Variants in NGF observed in about 807,000 individuals in gnomAD.
NGF encodes the protein nerve growth factor, also known as beta-nerve growth factor.
NGF carries 4 observed loss-of-function variants against 12.8 expected under a neutral mutation model. The observed-to-expected ratio is 0.31, with a 90% CI of 0.15 to 0.72. The LOEUF is 0.72. Ranked by LOEUF, NGF falls within the 30% of genes least tolerant of loss-of-function variation. NGF has a pLI of 0.69. For synonymous variants in NGF, 140 were observed against 130.0 expected (o/e 1.08, Z -0.52); for missense variants, 283 against 330.8 (o/e 0.86, Z 1.12).
At chr1:115,333,012 T>A (rs773461449) in intron 1 of NGF, among the ~76,000 whole-genome samples, 1 of 152,168 alleles carries the variant, frequency 6.6e-6, no homozygotes, top group African/African-American at 2.4e-5. Flanking sequence ...AAGTGAGACA[T>A]GCAAGTCACT....
chr1:115,327,523 A>G (rs1230099912), intron 1 of NGF, among the ~76,000 whole-genome samples: 1 of 152,150 alleles, frequency 6.6e-6, no homozygotes, highest in Non-Finnish European at 1.5e-5. Context: ...CTGTGAAAAC[A>G]CAAACACAAC....
intron 2 of NGF, among the ~76,000 whole-genome samples, chr1:115,288,772 T>G (rs1224064260): frequency 6.6e-6 from 1 of 152,162 alleles, no homozygotes; most frequent in Non-Finnish European, 1.5e-5. Context: ...ATGTAGTAGG[T>G]ACTCAAAAAA....
intron 2 of NGF, among the ~76,000 whole-genome samples, chr1:115,291,180 T>C (rs966266930): frequency 6.6e-6 from 1 of 152,210 alleles, no homozygotes; most frequent in African/African-American, 2.4e-5. Flanking sequence ...TAAAGTTTTT[T>C]TAAAAAAATA....
intron 1 of NGF, among the ~76,000 whole-genome samples, chr1:115,327,827 G>A (rs996053911): frequency 3.9e-5 from 6 of 152,174 alleles, no homozygotes; most frequent in Non-Finnish European, 7.3e-5. Context: ...TGGGAGGTGG[G>A]GGCAGGGCAT....
chr1:115,320,049 G>T (rs75573260), intron 1 of NGF, among the ~76,000 whole-genome samples: 6,188 of 152,224 alleles, frequency 0.041, 397 homozygotes, highest in African/African-American at 0.14. Flanking sequence ...GAAATAAACA[G>T]CCCCAAGGTC....
At chr1:115,298,194 G>C (rs939880081) in intron 1 of NGF, among the ~76,000 whole-genome samples, 15 of 152,126 alleles carry the variant, frequency 9.9e-5, no homozygotes, top group Admixed American at 1.3e-4. Flanking sequence ...GAAGGTTTTT[G>C]TTTGTTTTAC....
intron 1 of NGF, among the ~76,000 whole-genome samples, chr1:115,326,388 G>T (rs1357713287): frequency 6.6e-6 from 1 of 152,122 alleles, no homozygotes; most frequent in Non-Finnish European, 1.5e-5. Context: ...ACAACCAAAC[G>T]ATTGAGCAAA....
chr1:115,334,432 A>AT, intron 1 of NGF, among the ~76,000 whole-genome samples: 1 of 152,008 alleles, frequency 6.6e-6, no homozygotes, highest in East Asian at 1.9e-4. Context: ...CCTTCACCTT[A>AT]CTCTTTCTGA....
chr1:115,294,661 C>T (rs11466091), intron 1 of NGF, among the ~76,000 whole-genome samples: 2,045 of 152,302 alleles, frequency 0.013, 53 homozygotes, highest in African/African-American at 0.046. Flanking sequence ...GTAGACAGGA[C>T]GCTCAGCGAG....
At chr1:115,291,697 C>A (rs1453732845) in intron 2 of NGF, among the ~76,000 whole-genome samples, 1 of 152,176 alleles carries the variant, frequency 6.6e-6, no homozygotes, top group South Asian at 2.1e-4. Context: ...TCACACACTC[C>A]AATAATAGGA....
At chr1:115,326,134 C>T (rs1185647508) in intron 1 of NGF, among the ~76,000 whole-genome samples, 2 of 151,938 alleles carry the variant, frequency 1.3e-5, no homozygotes, top group African/African-American at 4.8e-5. Flanking sequence ...AGCTCTAGGG[C>T]ACACCATATT....
intron 2 of NGF, among the ~76,000 whole-genome samples, chr1:115,291,859 G>T (rs1156714052): frequency 6.6e-6 from 1 of 152,198 alleles, no homozygotes; most frequent in Non-Finnish European, 1.5e-5. Context: ...TGCCTGGGGA[G>T]ATGTGTTGTA....
At chr1:115,316,274 CATT>C (rs1378219733) in intron 1 of NGF, among the ~76,000 whole-genome samples, 1 of 152,138 alleles carries the variant, frequency 6.6e-6, no homozygotes, top group Non-Finnish European at 1.5e-5. Flanking sequence ...AATTAGCATT[CATT>C]ACATCTAGGG....
intron 1 of NGF, among the ~76,000 whole-genome samples, chr1:115,330,387 C>A (rs1277711909): frequency 6.6e-6 from 1 of 152,088 alleles, no homozygotes; most frequent in Non-Finnish European, 1.5e-5. Flanking sequence ...GTTTTCAGAA[C>A]CTAAAGAAGT....
rs111524029 is a variant in NGF, at chr1:115,334,510, G to A, written c.-137+3694C>T. 1.2e-4 allele frequency among the ~76,000 whole-genome samples: 18 copies of A among 152,238 alleles called. 4 individuals carry two copies. The highest frequency in any genetic ancestry group is 4.1e-4 in the African/African-American group (17 of 41,534). On this transcript the variant is annotated intron_variant, in intron 1 of 2. Coordinates refer to ENST00000369512, the MANE Select transcript of NGF (RefSeq NM_002506.3). ...AAAGGCAAAGGATGACACTTGGTGGGACTACAGCACTGAGGTCCCTGCCGA... is the reference window on the plus strand; with the variant it reads ...AAAGGCAAAGGATGACACTTGGTGGAACTACAGCACTGAGGTCCCTGCCGA...
intron 1 of NGF, among the ~76,000 whole-genome samples, chr1:115,319,275 C>A (rs1654553551): frequency 6.6e-6 from 1 of 152,192 alleles, no homozygotes; most frequent in African/African-American, 2.4e-5. Context: ...ATCTCATAGC[C>A]TTGTCTGGCT....
At chr1:115,314,308 G>T (rs1557943038) in intron 1 of NGF, among the ~76,000 whole-genome samples, 1 of 152,168 alleles carries the variant, frequency 6.6e-6, no homozygotes. Context: ...GCCTGGCAAA[G>T]GGTTGCTTCT....
At chr1:115,324,405 C>G (rs1269782393) in intron 1 of NGF, among the ~76,000 whole-genome samples, 3 of 152,162 alleles carry the variant, frequency 2.0e-5, no homozygotes, top group Admixed American at 2.0e-4. Flanking sequence ...CTCTTCACCC[C>G]AGGATGAGCC....
intron 1 of NGF, among the ~76,000 whole-genome samples, chr1:115,317,379 A>G (rs913920360): frequency 6.6e-6 from 1 of 152,210 alleles, no homozygotes; most frequent in Non-Finnish European, 1.5e-5. Context: ...AGAAGAGAGT[A>G]GTTGCTGTTG....
Sources: allele counts gnomAD v4.1 joint callset (sites outside exome capture counted in the v4.1 genomes callset), GRCh38; gene constraint gnomAD v4.1.1; transcripts MANE v1.5; gene names NCBI Gene and HGNC (gene_info 2026-07-23, HGNC 2026-07-21).